The following PARP15 variants were observed in gnomAD, a reference collection of about 807,000 sequenced individuals.
PARP15 encodes the protein poly(ADP-ribose) polymerase family member 15.
PARP15 carries 50 observed loss-of-function variants against 62.1 expected under a neutral mutation model. The ratio of observed to expected loss-of-function variants is 0.81; its 90% CI spans 0.64 to 1.02. The LOEUF is 1.02. Among genes scored for constraint, PARP15 ranks in the 50% least tolerant of loss-of-function variants. The pLI is 0.00. For synonymous variants in PARP15, 309 were observed against 293.1 expected (o/e 1.05, Z -0.55); for missense variants, 820 against 826.5 (o/e 0.99, Z 0.10).
At position 122,606,010 on chromosome 3, in the gene PARP15, A is replaced by AGGAGAGG; in HGVS notation, c.263_264insAGAGGGG (p.Leu89GlufsTer53). 1 of 1,552,100 alleles carries AGGAGAGG rather than the reference A, an allele frequency of 6.4e-7. No homozygotes were observed. The highest frequency in any genetic ancestry group is 8.7e-7 in the Non-Finnish European group (1 of 1,146,972). On this transcript the variant is annotated frameshift_variant, in exon 2 of 12. Transcript: ENST00000464300. LOFTEE classifies it high-confidence loss of function. ...TTGTAGCTTCAATCCAAACCAAAGA[A>AGGAGAGG]GGTCTGAATCTCAAGTTGATAAGTG...
At chr3:122,594,832 C>T in intron 1 of PARP15, 1 of 982,826 alleles carries the variant, frequency 1.0e-6, no homozygotes. Flanking sequence ...GAACAGACAA[C>T]AACCATTAAG....
At position 122,635,861 on chromosome 3, in the gene PARP15, G is replaced by C; in HGVS notation, c.1798G>C (p.Ala600Pro). 6.2e-7 allele frequency: 1 copy of C among 1,613,966 alleles called. No homozygotes were observed. The highest frequency in any genetic ancestry group is 8.5e-7 in the Non-Finnish European group (1 of 1,179,944). Reference sequence around the variant, plus strand: ...TTTTGCTGTGGATGCCAGTTATTCTGCCAAGGACACCTACTCCAAGCCAGA... The same window carrying C: ...TTTTGCTGTGGATGCCAGTTATTCTCCCAAGGACACCTACTCCAAGCCAGA... ...TYFAVDASYS[A>P]KDTYSKPDSN... Residue 600 changes from alanine (A) to proline (P), a missense_variant, in exon 12 of 12, where the codon GCC (alanine) becomes CCC (proline). Transcript: ENST00000464300.
In PARP15 at chr3:122,632,137, T is replaced by C. The variant is rs1937090777; in HGVS notation, c.1490T>C (p.Val497Ala). ...ATGAATCATCAGCTGTTTTGCATGG[T>C]CCAGCTAGAGCCAGGACAATCAGAA... ...TDMNHQLFCM[V>A]QLEPGQSEYN... Residue 497 changes from valine (V) to alanine (A), a missense_variant, in exon 10 of 12, where the codon GTC becomes GCC. Around this residue, in one of 3 missense-constraint regions of PARP15, gnomAD observed 731 missense variants for 727.7 expected, o/e 1.00. Coordinates refer to ENST00000464300, the MANE Select transcript of PARP15 (RefSeq NM_001113523.3). The C allele has an allele frequency of 6.2e-7, 1 of 1,613,980 alleles. No homozygotes were observed. Among genetic ancestry groups the C allele is most frequent in the Non-Finnish European group, 8.5e-7 (1 of 1,179,912 alleles).
chr3:122,585,898 T>A (rs1404406319), intron 1 of PARP15, among the ~76,000 whole-genome samples: 1 of 152,242 alleles, frequency 6.6e-6, no homozygotes. Flanking sequence ...TTTGCAAATG[T>A]CTTTTTTAAA....
At chr3:122,587,866 C>T (rs926741114) in intron 1 of PARP15, among the ~76,000 whole-genome samples, 1 of 152,178 alleles carries the variant, frequency 6.6e-6, no homozygotes, top group Admixed American at 6.5e-5. Flanking sequence ...TGACATTGTG[C>T]ATCTTTTCAT....
At chr3:122,592,201 T>A (rs1366802479) in intron 1 of PARP15, among the ~76,000 whole-genome samples, 2 of 152,152 alleles carry the variant, frequency 1.3e-5, no homozygotes, top group Non-Finnish European at 2.9e-5. Context: ...AGATGCCCAA[T>A]GATGATAGAC....
At chr3:122,593,270 C>T (rs1045867288) in intron 1 of PARP15, among the ~76,000 whole-genome samples, 13 of 152,188 alleles carry the variant, frequency 8.5e-5, no homozygotes, top group East Asian at 1.9e-4. Context: ...TCCCGAGTAG[C>T]TAGGATTACA....
chr3:122,581,372 G>A (rs1283443668), intron 1 of PARP15, among the ~76,000 whole-genome samples: 3 of 152,048 alleles, frequency 2.0e-5, no homozygotes, highest in Admixed American at 1.3e-4. Flanking sequence ...GACAATACTT[G>A]TTATTTATTT....
chr3:122,615,858 G>C lies in PARP15; in HGVS notation c.850+1G>C. The C allele has an allele frequency of 6.2e-7, 1 of 1,609,236 alleles. No homozygotes were observed. Among genetic ancestry groups the C allele is most frequent in the Non-Finnish European group, 8.5e-7 (1 of 1,176,278 alleles). ...ATTCCCATGGCAGGAGATACCCAAGGTCTGGTAAAGTCGTTCTGCTAAGGA... is the reference window on the plus strand; with the variant it reads ...ATTCCCATGGCAGGAGATACCCAAGCTCTGGTAAAGTCGTTCTGCTAAGGA... On this transcript the variant is annotated splice_donor_variant, in intron 5 of 11. Coordinates refer to ENST00000464300, the MANE Select transcript of PARP15 (RefSeq NM_001113523.3). LOFTEE classifies it high-confidence loss of function.
intron 1 of PARP15, among the ~76,000 whole-genome samples, chr3:122,600,455 G>A (rs1274844384): frequency 6.6e-6 from 1 of 152,134 alleles, no homozygotes; most frequent in Non-Finnish European, 1.5e-5. Context: ...ACTTAGAGTA[G>A]TAGAAATCAT....
intron 6 of PARP15, among the ~76,000 whole-genome samples, chr3:122,619,282 G>C: frequency 6.6e-6 from 1 of 152,066 alleles, no homozygotes; most frequent in East Asian, 1.9e-4. Flanking sequence ...TTAACGACTC[G>C]ACCCAGCTGT....
intron 1 of PARP15, 62 bp downstream of exon 1, chr3:122,577,915 G>A: frequency 2.1e-6 from 3 of 1,451,434 alleles, no homozygotes; most frequent in South Asian, 1.4e-5. Flanking sequence ...GGGCCCGCAA[G>A]ACCCAGCAGC....
intron 6 of PARP15, among the ~76,000 whole-genome samples, chr3:122,617,538 T>G (rs116966509): frequency 1.3e-5 from 2 of 152,346 alleles, no homozygotes; most frequent in East Asian, 3.9e-4. Context: ...CTTTCCTGTT[T>G]ATGTAACCTA....
At chr3:122,616,143 G>T (rs745602711) in intron 5 of PARP15, among the ~76,000 whole-genome samples, 3 of 151,916 alleles carry the variant, frequency 2.0e-5, no homozygotes, top group Non-Finnish European at 2.9e-5. Context: ...TTCATATATA[G>T]TATATTATTT....
chr3:122,618,326 G>T (rs1410253263), intron 6 of PARP15, among the ~76,000 whole-genome samples: 3 of 152,058 alleles, frequency 2.0e-5, no homozygotes, highest in African/African-American at 7.2e-5. Context: ...ATACTGTAAA[G>T]GAATGAAAAG....
chr3:122,617,681 G>A (rs779666875), intron 6 of PARP15, among the ~76,000 whole-genome samples: 23 of 152,090 alleles, frequency 1.5e-4, no homozygotes, highest in Non-Finnish European at 2.6e-4. Context: ...ATTCGGGCAG[G>A]CCCTCCCCTC....
intron 4 of PARP15, chr3:122,615,435 T>G: frequency 2.4e-6 from 3 of 1,268,772 alleles, no homozygotes; most frequent in Non-Finnish European, 1.0e-6. Context: ...CCTCAGCCTA[T>G]TGGATGTAGG....
chr3:122,612,593 C>A (rs560014473), intron 3 of PARP15, among the ~76,000 whole-genome samples: 1 of 151,928 alleles, frequency 6.6e-6, no homozygotes, highest in Non-Finnish European at 1.5e-5. Flanking sequence ...CCTGCCACCA[C>A]GCCTGGCTAA....
At chr3:122,583,194 C>T (rs1179772755) in intron 1 of PARP15, among the ~76,000 whole-genome samples, 11 of 135,076 alleles carry the variant, frequency 8.1e-5, no homozygotes, top group Admixed American at 7.7e-4. Flanking sequence ...GATCTCGGCT[C>T]GCTGCAACCT....
Sources: gnomAD v4.1 joint callset for allele counts (sites outside exome capture counted in the v4.1 genomes callset) on GRCh38, gnomAD v4.1.1 for gene constraint, gnomAD v4.1.1 regional missense constraint, MANE v1.5 for transcripts, NCBI Gene and HGNC (gene_info 2026-07-23, HGNC 2026-07-21) for gene names.